Variants in DRC5 observed in about 807,000 individuals in gnomAD.
The protein encoded by DRC5 is T-complex-associated testis-expressed protein 1.
At chr6:44,282,192 G>A in the DRC5 span, 1 of 1,614,180 alleles carries the variant, frequency 6.2e-7, no homozygotes, top group East Asian at 2.2e-5. Context: ...TGTGGCGGTG[G>A]GCTCAGACAG....
chr6:44,285,812 C>T, the DRC5 span: 2 of 728,084 alleles, frequency 2.7e-6, no homozygotes, highest in South Asian at 1.9e-5. Flanking sequence ...CCCCCAGAAC[C>T]GTGTATCTTG....
the DRC5 span, among the ~76,000 whole-genome samples, chr6:44,293,521 C>G: frequency 6.0e-4 from 91 of 152,226 alleles, no homozygotes; most frequent in African/African-American, 2.0e-3. Flanking sequence ...TTTCTTATCC[C>G]CATTTTACAG....
the DRC5 span, among the ~76,000 whole-genome samples, chr6:44,282,895 C>T: frequency 4.6e-5 from 7 of 150,790 alleles, no homozygotes; most frequent in South Asian, 4.2e-4. Flanking sequence ...GTCCACCTTC[C>T]GGATTCACAC....
chr6:44,286,521 G>A, the DRC5 span: 1 of 1,611,540 alleles, frequency 6.2e-7, no homozygotes, highest in Non-Finnish European at 8.5e-7. Flanking sequence ...ATCTGCTTCA[G>A]GATAGGGTTT....
At chr6:44,286,149 C>G in the DRC5 span, 3 of 1,613,738 alleles carry the variant, frequency 1.9e-6, no homozygotes, top group Admixed American at 1.7e-5. Context: ...GTGGGCTCCT[C>G]CATCTCTCCC....
chr6:44,282,018 T>C, the DRC5 span: 3 of 1,248,606 alleles, frequency 2.4e-6, no homozygotes, highest in Non-Finnish European at 3.4e-6. Context: ...GTATGTAGTA[T>C]GTAAACTCTG....
chr6:44,281,976 G>T, the DRC5 span: 2 of 836,570 alleles, frequency 2.4e-6, no homozygotes, highest in Non-Finnish European at 3.7e-6. Flanking sequence ...AATAATCATT[G>T]GGATACACAG....
the DRC5 span, chr6:44,280,177 C>A: frequency 6.2e-7 from 1 of 1,612,890 alleles, no homozygotes. Context: ...CAAGTCAGGT[C>A]ATTTTATCCC....
the DRC5 span, chr6:44,280,116 C>T: frequency 1.4e-6 from 2 of 1,423,942 alleles, no homozygotes; most frequent in South Asian, 2.4e-5. Context: ...TGATACTCTG[C>T]AGCAGGCATG....
chr6:44,283,653 T>C, the DRC5 span, among the ~76,000 whole-genome samples: 1 of 152,232 alleles, frequency 6.6e-6, no homozygotes, highest in Non-Finnish European at 1.5e-5. Flanking sequence ...CACTCTCTAT[T>C]TTCTGCATGC....
chr6:44,295,990 C>A, the DRC5 span, among the ~76,000 whole-genome samples: 2 of 152,184 alleles, frequency 1.3e-5, no homozygotes, highest in Non-Finnish European at 2.9e-5. Flanking sequence ...ATGCTAGATA[C>A]CTTACTACAT....
At chr6:44,284,516 C>T in the DRC5 span, among the ~76,000 whole-genome samples, 15,945 of 152,120 alleles carry the variant, frequency 0.1, 1,277 homozygotes, top group East Asian at 0.41. Flanking sequence ...GGACCCTCTA[C>T]CCAACTAACG....
chr6:44,294,716 G>C, the DRC5 span, among the ~76,000 whole-genome samples: 1 of 139,706 alleles, frequency 7.2e-6, no homozygotes, highest in African/African-American at 2.7e-5. Flanking sequence ...AGGTTGCAGT[G>C]AGCTGAGATT....
the DRC5 span, chr6:44,286,242 T>A: frequency 2.1e-5 from 34 of 1,612,580 alleles, no homozygotes; most frequent in Admixed American, 1.8e-4. Context: ...ACGTGGACCC[T>A]GCGCACGTAA....
At chr6:44,285,045 G>C in the DRC5 span, among the ~76,000 whole-genome samples, 1 of 152,174 alleles carries the variant, frequency 6.6e-6, no homozygotes, top group African/African-American at 2.4e-5. Flanking sequence ...CTCTGCGCCA[G>C]CCACACAGTC....
At chr6:44,290,133 T>A in the DRC5 span, among the ~76,000 whole-genome samples, 3 of 152,364 alleles carry the variant, frequency 2.0e-5, no homozygotes, top group South Asian at 4.1e-4. Flanking sequence ...AATTGTGGAA[T>A]AACCAGATAG....
chr6:44,288,993 CAA>C, the DRC5 span, among the ~76,000 whole-genome samples: 5 of 32,826 alleles, frequency 1.5e-4, no homozygotes, highest in African/African-American at 6.5e-4. Flanking sequence ...GACTCTGTCT[CAA>C]AAAAAAAAAA....
chr6:44,286,429 ACTGT>A, the DRC5 span: 10 of 1,613,986 alleles, frequency 6.2e-6, no homozygotes, highest in Admixed American at 5.0e-5. Context: ...AGTAGTTCTC[ACTGT>A]CTATCAGGTT....
At chr6:44,282,297 C>G in the DRC5 span, 1 of 1,614,186 alleles carries the variant, frequency 6.2e-7, no homozygotes, top group Non-Finnish European at 8.5e-7. Flanking sequence ...GCAGTTGAGA[C>G]GTAGGTTGAG....
Sources: allele counts gnomAD v4.1 joint callset (sites outside exome capture counted in the v4.1 genomes callset), GRCh38; gene constraint gnomAD v4.1.1; transcripts MANE v1.5; gene names NCBI Gene and HGNC (gene_info 2026-07-23, HGNC 2026-07-21).